The following MRTFB variants were observed in gnomAD, a reference collection of about 807,000 sequenced individuals.
MRTFB encodes myocardin related transcription factor B, also known as myocardin-related transcription factor B.
Under a neutral mutation model 104.2 loss-of-function variants are expected in MRTFB, and 29 were observed. That is an observed-to-expected ratio of 0.28 (90% CI 0.21 to 0.38). The LOEUF (loss-of-function observed/expected upper bound fraction) is 0.38, where lower values mean the gene tolerates loss of function less well. MRTFB is among the 10% of genes least tolerant of loss of function. The pLI, the probability that MRTFB is intolerant of heterozygous loss-of-function variation, is 1.00. For synonymous variants in MRTFB, 535 were observed against 519.5 expected (o/e 1.03, Z -0.41); for missense variants, 1,270 against 1,341.6 (o/e 0.95, Z 0.83).
intron 3 of MRTFB, among the ~76,000 whole-genome samples, chr16:14,198,344 G>A (rs544810162): frequency 6.6e-6 from 1 of 152,304 alleles, no homozygotes; most frequent in African/African-American, 2.4e-5. Flanking sequence ...TCACCTAGGA[G>A]TAGAATTGCT....
intron 6 of MRTFB, 71 bp downstream of exon 6, chr16:14,213,691 G>T: frequency 2.6e-6 from 3 of 1,156,242 alleles, no homozygotes; most frequent in Non-Finnish European, 3.7e-6. Context: ...CACCATTTCT[G>T]TTTATTCCCA....
chr16:14,074,116 T>C (rs2033896345), intron 1 of MRTFB, among the ~76,000 whole-genome samples: 1 of 152,192 alleles, frequency 6.6e-6, no homozygotes, highest in Non-Finnish European at 1.5e-5. Context: ...TGTTTATTAT[T>C]AGTTGCGTGT....
At chr16:14,174,461 T>C (rs530261078) in intron 3 of MRTFB, among the ~76,000 whole-genome samples, 25 of 152,142 alleles carry the variant, frequency 1.6e-4, no homozygotes, top group Non-Finnish European at 2.5e-4. Context: ...GGTAGGCGGA[T>C]CACTTGAGGT....
At chr16:14,060,509 C>G in the MRTFB span, among the ~76,000 whole-genome samples, 1 of 152,212 alleles carries the variant, frequency 6.6e-6, no homozygotes. Context: ...TCATTTTTCT[C>G]TCTCGGCACC....
the MRTFB span, among the ~76,000 whole-genome samples, chr16:14,028,093 C>T: frequency 1.3e-5 from 2 of 152,190 alleles, no homozygotes; most frequent in Non-Finnish European, 2.9e-5. Context: ...ATGAGAATAG[C>T]TTGAACCCAA....
chr16:14,212,801 C>T (rs1018185374), intron 5 of MRTFB, among the ~76,000 whole-genome samples: 1 of 152,184 alleles, frequency 6.6e-6, no homozygotes, highest in Non-Finnish European at 1.5e-5. Context: ...CCTACTGGGT[C>T]TTTGTTACCT....
intron 3 of MRTFB, among the ~76,000 whole-genome samples, chr16:14,159,545 T>C (rs922692184): frequency 6.6e-6 from 1 of 152,190 alleles, no homozygotes; most frequent in Non-Finnish European, 1.5e-5. Context: ...TGTGGAAAAA[T>C]GCAAATGGAC....
intron 2 of MRTFB, among the ~76,000 whole-genome samples, chr16:14,097,613 A>G (rs540953846): frequency 1.3e-5 from 2 of 152,360 alleles, no homozygotes; most frequent in African/African-American, 2.4e-5. Context: ...CTGCACATTT[A>G]AAGTGTACAA....
At chr16:14,227,290 A>C (rs7499826) in intron 8 of MRTFB, among the ~76,000 whole-genome samples, 1 of 139,318 alleles carries the variant, frequency 7.2e-6, no homozygotes, top group Non-Finnish European at 1.6e-5. Context: ...AAAAACAAAA[A>C]CAAAACAAAA....
the MRTFB span, among the ~76,000 whole-genome samples, chr16:14,036,286 TTATATATATTTATATATA>T: frequency 2.4e-5 from 1 of 41,220 alleles, no homozygotes; most frequent in East Asian, 9.4e-4. Flanking sequence ...TATATGTATT[TTATATATATTTATATATA>T]TATATATATA....
chr16:14,136,700 C>CA (rs1264076746), intron 2 of MRTFB, among the ~76,000 whole-genome samples: 1 of 151,394 alleles, frequency 6.6e-6, no homozygotes, highest in Admixed American at 6.6e-5. Context: ...TGACTCCATT[C>CA]AAAAAAATTA....
At chr16:14,234,040 C>T in intron 8 of MRTFB, 106 bp from the exon 9 acceptor site, 2 of 1,405,610 alleles carry the variant, frequency 1.4e-6, no homozygotes, top group Admixed American at 2.1e-5. Flanking sequence ...TCCTTTGCTT[C>T]TTTTCTAGTG....
At chr16:14,157,072 A>G (rs2038855771) in intron 3 of MRTFB, among the ~76,000 whole-genome samples, 1 of 152,196 alleles carries the variant, frequency 6.6e-6, no homozygotes, top group South Asian at 2.1e-4. Context: ...TCTCTTTTCT[A>G]TAGTTTGCAT....
chr16:14,162,099 T>A (rs1425049857), intron 3 of MRTFB, among the ~76,000 whole-genome samples: 1 of 141,562 alleles, frequency 7.1e-6, no homozygotes, highest in East Asian at 2.2e-4. Context: ...GAGTATCACT[T>A]GAGCCCAGAA....
chr16:14,206,365 T>G (rs949749715), intron 3 of MRTFB, among the ~76,000 whole-genome samples: 1 of 152,248 alleles, frequency 6.6e-6, no homozygotes, highest in Non-Finnish European at 1.5e-5. Flanking sequence ...GGTGCAGATA[T>G]CTGCTGTGAC....
intron 2 of MRTFB, among the ~76,000 whole-genome samples, chr16:14,095,782 G>T (rs1331628242): frequency 3.3e-5 from 5 of 152,096 alleles, no homozygotes; most frequent in African/African-American, 1.2e-4. Flanking sequence ...AAAAAGAGAA[G>T]GTAAAATGAC....
chr16:14,255,538 A>G (rs1263471820), intron 15 of MRTFB, among the ~76,000 whole-genome samples: 1 of 152,262 alleles, frequency 6.6e-6, no homozygotes, highest in East Asian at 1.9e-4. Flanking sequence ...ATGTTAAAAT[A>G]TCCCTTAAGA....
intron 15 of MRTFB, among the ~76,000 whole-genome samples, chr16:14,256,823 G>T (rs995946837): frequency 6.6e-6 from 1 of 152,234 alleles, no homozygotes; most frequent in Non-Finnish European, 1.5e-5. Flanking sequence ...ACTAATGCAT[G>T]TATCTACAAG....
intron 2 of MRTFB, among the ~76,000 whole-genome samples, chr16:14,094,897 T>C (rs2035276718): frequency 6.6e-6 from 1 of 152,216 alleles, no homozygotes; most frequent in South Asian, 2.1e-4. Flanking sequence ...CATCTATCTA[T>C]CCTTTTTGTT....
Sources: allele counts gnomAD v4.1 joint callset (sites outside exome capture counted in the v4.1 genomes callset), GRCh38; gene constraint gnomAD v4.1.1; transcripts MANE v1.5; gene names NCBI Gene and HGNC (gene_info 2026-07-23, HGNC 2026-07-21).